The following ALG11 variants were observed in gnomAD, a reference collection of about 807,000 sequenced individuals.
ALG11 encodes GDP-Man:Man(3)GlcNAc(2)-PP-Dol alpha-1,2-mannosyltransferase.
A neutral mutation model predicts 38.8 loss-of-function variants in ALG11; 26 were observed. The observed-to-expected ratio is 0.67, with a 90% CI of 0.49 to 0.93. The LOEUF (loss-of-function observed/expected upper bound fraction) is 0.93, where lower values mean the gene tolerates loss of function less well. Ranked by LOEUF, ALG11 falls within the 40% of genes least tolerant of loss-of-function variation. The probability of loss-of-function intolerance (pLI) is 0.00; values close to 1 mark genes in which losing one functional copy is unlikely to be tolerated. For synonymous variants in ALG11, 199 were observed against 211.6 expected (o/e 0.94, Z 0.52); for missense variants, 535 against 578.8 (o/e 0.92, Z 0.78).
intron 3 of ALG11, among the ~76,000 whole-genome samples, chr13:52,026,439 G>A (rs1230449958): frequency 6.6e-6 from 1 of 152,224 alleles, no homozygotes. Flanking sequence ...GCCACATGGG[G>A]AGTGGATCAG....
intron 2 of ALG11, chr13:52,020,733 A>G (rs1014134088): frequency 6.6e-6 from 1 of 152,220 alleles, no homozygotes; most frequent in African/African-American, 2.4e-5. Flanking sequence ...CTCTGGCCAC[A>G]TTGCGTTTCT....
Position 52,033,071 on chromosome 13 carries a change from T to G in ALG11, c.*4481T>G. On this transcript the variant is annotated 3_prime_UTR_variant, in exon 4 of 4. Coordinates refer to ENST00000521508, the MANE Select transcript of ALG11 (RefSeq NM_001004127.3). ...TTATTTCTTCAAAATTATTTTCATA[T>G]ATCACAGATATATCATTGGAAGATA... The G allele has an allele frequency of 6.0e-6, 1 of 167,256 alleles. No homozygotes were observed. The allele number at this position is 167,256 out of a possible 1,614,324, so 10.4% of individuals were successfully genotyped here.
Position 52,030,039 on chromosome 13 carries a change from T to C in ALG11, c.*1449T>C. The C allele has an allele frequency of 2.5e-6, 4 of 1,614,158 alleles. No homozygotes were observed. Among genetic ancestry groups the C allele is most frequent in the Non-Finnish European group, 3.4e-6 (4 of 1,180,036 alleles). On this transcript the variant is annotated 3_prime_UTR_variant, in exon 4 of 4. Transcript: ENST00000521508. ...GCAAGTGAGGCAGAAGAAAGACCAG[T>C]GGCAGAGGAAGAAATTTTGTTGAGA...
rs1239669058 is a variant in ALG11 at position 52,028,634 on chromosome 13, AAC to A, written c.*47_*48del. The A allele has an allele frequency of 5.1e-6, 8 of 1,581,928 alleles. No individual in the cohort carries two copies. Among genetic ancestry groups the A allele is most frequent in the Middle Eastern group, 3.4e-4 (2 of 5,876 alleles). On this transcript the variant is annotated 3_prime_UTR_variant, in exon 4 of 4. Coordinates refer to ENST00000521508, the MANE Select transcript of ALG11 (RefSeq NM_001004127.3). ...AAAGATATTTTATATAAACTGGTTAAACACCTTCATATGTAAATATTTTTCTA... is the reference window on the plus strand; with the variant it reads ...AAAGATATTTTATATAAACTGGTTAAACCTTCATATGTAAATATTTTTCTA...
chr13:52,014,839 C>G (rs568378482), intron 1 of ALG11, among the ~76,000 whole-genome samples: 1 of 152,176 alleles, frequency 6.6e-6, no homozygotes, highest in African/African-American at 2.4e-5. Flanking sequence ...ATGAGAAACT[C>G]TGATGTAAAC....
rs1954315899 is a variant in ALG11, at chr13:52,032,533, A to G, written c.*3943A>G. ...CACAGGCTGATTCATCTTTGTGTTA[A>G]GGGGCAAATGAAACGGTATATTATT... On this transcript the variant is annotated 3_prime_UTR_variant, in exon 4 of 4. Coordinates refer to ENST00000521508, the MANE Select transcript of ALG11 (RefSeq NM_001004127.3). 1 of 167,100 alleles carries G rather than the reference A, an allele frequency of 6.0e-6. No individual in the cohort carries two copies. Among genetic ancestry groups the G allele is most frequent in the African/African-American group, 2.4e-5 (1 of 41,476 alleles). The allele number at this position is 167,100 out of a possible 1,614,324, so 10.4% of individuals were successfully genotyped here. A position where few individuals can be genotyped will look rare whatever the true frequency, so the allele number is the denominator to read the frequency against.
chr13:52,031,225 AT>A lies in ALG11; in HGVS notation c.*2641del. The A allele has an allele frequency of 1.4e-6, 2 of 1,431,984 alleles. No individual in the cohort carries two copies. The highest frequency in any genetic ancestry group is 1.9e-6 in the Non-Finnish European group (2 of 1,073,602). 88.7% of individuals were successfully genotyped at this position (1,431,984 alleles called of 1,614,324 possible). On this transcript the variant is annotated 3_prime_UTR_variant, in exon 4 of 4. Coordinates refer to ENST00000521508, the MANE Select transcript of ALG11 (RefSeq NM_001004127.3). Reference sequence around the variant, plus strand: ...AGCACATTGCATGTAGTTGAGCCACATTTTTTAAAAAAAGAAAATGGATGAC... The same window carrying A: ...AGCACATTGCATGTAGTTGAGCCACATTTTTAAAAAAAGAAAATGGATGAC...
chr13:52,017,067 G>T (rs1954140568), intron 1 of ALG11: 1 of 152,206 alleles, frequency 6.6e-6, no homozygotes, highest in Admixed American at 6.5e-5. Context: ...GTGAGACCTG[G>T]AGTCAAAGGA....
At chr13:52,014,056 A>G (rs1954114592) in intron 1 of ALG11, among the ~76,000 whole-genome samples, 1 of 152,250 alleles carries the variant, frequency 6.6e-6, no homozygotes, top group Non-Finnish European at 1.5e-5. Context: ...TCAGAGAAGA[A>G]TATCTGTAAC....
In ALG11 at chr13:52,028,857, T is replaced by C. The variant is rs746660464; in HGVS notation, c.*267T>C. 6.2e-7 allele frequency: 1 copy of C among 1,614,216 alleles called. No individual in the cohort carries two copies. The highest frequency in any genetic ancestry group is 1.7e-5 in the Admixed American group (1 of 60,030). ...CTGGCTTTGAGCCACCAGGAAGAAC[T>C]AGTGGATTTGCCAAAAAACTACCCC... On this transcript the variant is annotated 3_prime_UTR_variant, in exon 4 of 4. Coordinates refer to ENST00000521508, the MANE Select transcript of ALG11 (RefSeq NM_001004127.3).
intron 1 of ALG11, among the ~76,000 whole-genome samples, chr13:52,018,197 C>T (rs890795024): frequency 2.6e-5 from 4 of 152,210 alleles, no homozygotes; most frequent in African/African-American, 9.7e-5. Flanking sequence ...ATGGTATGAG[C>T]AAGCCTGGGC....
chr13:52,015,349 T>C (rs1045731653), intron 1 of ALG11, among the ~76,000 whole-genome samples: 1 of 152,152 alleles, frequency 6.6e-6, no homozygotes, highest in Non-Finnish European at 1.5e-5. Context: ...GGGGCTGCAG[T>C]GATTGCTATG....
At chr13:52,025,050 T>A in intron 3 of ALG11, 113 bp downstream of exon 3, 1 of 1,207,066 alleles carries the variant, frequency 8.3e-7, no homozygotes, top group Non-Finnish European at 1.2e-6. Context: ...TCTCTTGCCC[T>A]CATCCACCAA....
chr13:52,013,615 A>C (rs905303783), intron 1 of ALG11, among the ~76,000 whole-genome samples: 1 of 152,264 alleles, frequency 6.6e-6, no homozygotes, highest in African/African-American at 2.4e-5. Flanking sequence ...AGGAATTGCC[A>C]GAAAAACCTT....
rs924119075 is a variant in ALG11 at position 52,019,098 on chromosome 13, G to A, written c.230G>A (p.Gly77Glu). Residue 77 changes from glycine to glutamate, a missense_variant, in exon 2 of 4, where the codon GGA becomes GAA. Coordinates refer to ENST00000521508, the MANE Select transcript of ALG11 (RefSeq NM_001004127.3). ...FFHPYCNAGG[G>E]GERVLWCALR... ...CATCCATACTGCAATGCTGGTGGAG[G>A]AGGAGAAAGAGTTTTATGGTGTGCT... 3.1e-6 allele frequency: 5 copies of A among 1,614,078 alleles called. No homozygotes were observed. Among genetic ancestry groups the A allele is most frequent in the Non-Finnish European group, 4.2e-6 (5 of 1,179,990 alleles).
rs1340128287 is a variant in ALG11, at chr13:52,028,374, C to A, written c.1263C>A (p.Gly421=). The change falls in exon 4 of 4, where the codon GGC becomes GGA. Residue 421 remains glycine, a synonymous_variant. Transcript: ENST00000521508. ...GTIILAHNSG[G]PKLDIVVPHE... ...TTATCCTTGCACACAATTCGGGGGGCCCAAAGCTTGACATTGTGGTTCCTC... is the reference window on the plus strand; with the variant it reads ...TTATCCTTGCACACAATTCGGGGGGACCAAAGCTTGACATTGTGGTTCCTC... 1.9e-6 allele frequency: 3 copies of A among 1,614,036 alleles called. No individual in the cohort carries two copies. Among genetic ancestry groups the A allele is most frequent in the Non-Finnish European group, 2.5e-6 (3 of 1,180,008 alleles).
At chr13:52,025,058 C>A in intron 3 of ALG11, 121 bp downstream of exon 3, 3 of 1,128,612 alleles carry the variant, frequency 2.7e-6, no homozygotes, top group Admixed American at 1.8e-5. Flanking sequence ...CCTCATCCAC[C>A]AAATGTGCTT....
chr13:52,012,403 C>G lies in ALG11; in HGVS notation c.-16C>G. The G allele has an allele frequency of 1.9e-6, 3 of 1,614,002 alleles. No individual in the cohort carries two copies. Among genetic ancestry groups the G allele is most frequent in the African/African-American group, 1.3e-5 (1 of 75,038 alleles). ...AGGAAAGTGAAGCGTTTCCTGAGTT[C>G]GGGGGTCGGCGGAAGATGGCGGCCG... On this transcript the variant is annotated 5_prime_UTR_variant, in exon 1 of 4. Coordinates refer to ENST00000521508, the MANE Select transcript of ALG11 (RefSeq NM_001004127.3).
Position 52,014,407 on chromosome 13 carries a change from T to C in ALG11, c.44+1945T>C, listed in dbSNP as rs768017533. ...AATTCATAAAAAGTTTAAAGTTCTT[T>C]AGTTTTCATTTCTAATATGCTAAAT... is the stretch of plus-strand genomic sequence containing the variant. On this transcript the variant is annotated intron_variant, in intron 1 of 3. Coordinates refer to ENST00000521508, the MANE Select transcript of ALG11 (RefSeq NM_001004127.3). Among the ~76,000 whole-genome samples, 89 of 152,340 alleles carry C rather than the reference T, an allele frequency of 5.8e-4. 1 individual carries two copies. Among genetic ancestry groups the C allele is most frequent in the Non-Finnish European group, 1.0e-3 (69 of 68,022 alleles).
Sources: gnomAD v4.1 joint callset for allele counts (sites outside exome capture counted in the v4.1 genomes callset) on GRCh38, gnomAD v4.1.1 for gene constraint, MANE v1.5 for transcripts, NCBI Gene and HGNC (gene_info 2026-07-23, HGNC 2026-07-21) for gene names.